The following SUN1 variants were observed in gnomAD, a reference collection of about 807,000 sequenced individuals.
SUN1 encodes the protein Sad1 and UNC84 domain containing 1.
A neutral mutation model predicts 103.2 loss-of-function variants in SUN1; 61 were observed. The observed-to-expected ratio is 0.59, with a 90% CI of 0.48 to 0.73. The LOEUF is 0.73. Among genes scored for constraint, SUN1 ranks in the 30% least tolerant of loss-of-function variants. The pLI, the probability that SUN1 is intolerant of heterozygous loss-of-function variation, is 0.00. For missense variants in SUN1, 1,052 were observed against 1,034.6 expected (o/e 1.02, Z -0.23); for synonymous variants, 490 against 425.7 (o/e 1.15, Z -1.86).
Position 832,556 on chromosome 7 carries a change from C to T in SUN1, c.32C>T (p.Pro11Leu). 1.2e-6 allele frequency: 2 copies of T among 1,613,392 alleles called. No individual in the cohort carries two copies. Among genetic ancestry groups the T allele is most frequent in the Non-Finnish European group, 1.7e-6 (2 of 1,179,656 alleles). MDFSRLHMYS[P>L]PQCVPENTGY... ...TTTTCTCGGCTTCACATGTACAGTC[C>T]TCCCCAGTGTGTGCCGGAGAACACG... Residue 11 changes from proline to leucine, a missense_variant, in exon 1 of 19, where the codon CCT becomes CTT. Around this residue, in one of 2 missense-constraint regions of SUN1, gnomAD observed 846 missense variants for 774.5 expected, o/e 1.09. Coordinates refer to ENST00000401592, the MANE Select transcript of SUN1 (RefSeq NM_001130965.3).
At chr7:819,763 C>T (rs552270045) in intron 1 of SUN1, among the ~76,000 whole-genome samples, 50 of 144,274 alleles carry the variant, frequency 3.5e-4, no homozygotes, top group African/African-American at 1.3e-3. Context: ...GGCTGGAGTG[C>T]AGTGGCGTGA....
chr7:857,993 TAGAA>T (rs1562757404), intron 13 of SUN1, 36 bp downstream of exon 13: 1 of 1,519,614 alleles, frequency 6.6e-7, no homozygotes, highest in Non-Finnish European at 8.9e-7. Flanking sequence ...TGTTTTATAA[TAGAA>T]AGTAAAAGAA....
chr7:831,229 G>A (rs181361953), upstream of SUN1, among the ~76,000 whole-genome samples: 68 of 152,078 alleles, frequency 4.5e-4, no homozygotes, highest in African/African-American at 1.5e-3. Context: ...TGGGTCGGAC[G>A]CTGGGCTGGG....
chr7:830,714 G>A (rs953657490), upstream of SUN1, among the ~76,000 whole-genome samples: 1 of 152,194 alleles, frequency 6.6e-6, no homozygotes, highest in Non-Finnish European at 1.5e-5. Context: ...CAACATCTGA[G>A]CAGGAGTGGA....
At chr7:841,019 T>C (rs1340978108) in intron 2 of SUN1, among the ~76,000 whole-genome samples, 1 of 150,618 alleles carries the variant, frequency 6.6e-6, no homozygotes, top group Non-Finnish European at 1.5e-5. Flanking sequence ...CCGCAACCTC[T>C]GCCTTCCAGG....
chr7:824,935 C>T (rs999655942), intron 1 of SUN1, among the ~76,000 whole-genome samples: 3 of 152,184 alleles, frequency 2.0e-5, no homozygotes, highest in Admixed American at 2.0e-4. Context: ...CCCCTGTGAA[C>T]GTGTCCACAC....
At chr7:819,539 CTTCG>C (rs1313376306) in intron 1 of SUN1, among the ~76,000 whole-genome samples, 2 of 152,090 alleles carry the variant, frequency 1.3e-5, no homozygotes, top group African/African-American at 2.4e-5. Context: ...TAGGTTCTGA[CTTCG>C]TTCTTTTGCA....
chr7:830,956 C>T (rs1419093605), upstream of SUN1: 4 of 985,400 alleles, frequency 4.1e-6, no homozygotes, highest in Non-Finnish European at 3.6e-6. Flanking sequence ...CCTCAGGAGC[C>T]CAGGCATGGT....
upstream of SUN1, chr7:815,761 C>A: frequency 5.4e-6 from 1 of 186,754 alleles, no homozygotes; most frequent in Non-Finnish European, 1.1e-5. Context: ...CTGCAGGAGA[C>A]CTCGCGTGCA....
Position 853,484 on chromosome 7 carries a change from C to G in SUN1, c.1129C>G (p.His377Asp), listed in dbSNP as rs1481087028. 6.2e-7 allele frequency: 1 copy of G among 1,613,938 alleles called. No individual in the cohort carries two copies. Among genetic ancestry groups the G allele is most frequent in the Non-Finnish European group, 8.5e-7 (1 of 1,180,060 alleles). The stretch of plus-strand genomic sequence containing the variant: ...GGTGGCCTCTCTGTCTGGACAGTGC[C>G]ACCACCATGGTGAGAATCTCCGAGA... ...QQVASLSGQC[H>D]HHGENLRELT... The change falls in exon 10 of 19, where the codon CAC (histidine) becomes GAC (aspartate). Residue 377 changes from histidine (H) to aspartate (D), a missense_variant. By Grantham distance (81) the His-to-Asp change is moderately conservative. Coordinates refer to ENST00000401592, the MANE Select transcript of SUN1 (RefSeq NM_001130965.3).
upstream of SUN1, chr7:816,197 G>GAT (rs1780370047): frequency 1.2e-5 from 2 of 170,662 alleles, no homozygotes; most frequent in African/African-American, 1.1e-4. Context: ...CCCTCCCCCA[G>GAT]GTGCAGACCC....
In SUN1 at chr7:852,007, C is replaced by G. The variant is rs565641706; in HGVS notation, c.815C>G (p.Thr272Ser). ...WLGIGWYQFV[T>S]LISWLNVFLL... is the part of the protein sequence containing the mutation. ...GGGATTGGATGGTACCAGTTTGTTA[C>G]TTTGATTTCTTGGCTGAATGTGTTT... Residue 272 changes from threonine (T) to serine (S), a missense_variant, in exon 7 of 19, where the codon ACT becomes AGT. Physicochemically the swap from Thr to Ser is moderately conservative, Grantham distance 58 (BLOSUM62 1). Transcript: ENST00000401592. 7.4e-6 allele frequency: 12 copies of G among 1,614,094 alleles called. No homozygotes were observed. In the East Asian group the frequency reaches 2.2e-4, roughly 30 times the overall value.
At chr7:853,714 T>G (rs1824351725) in intron 10 of SUN1, 96 bp downstream of exon 10, 2 of 1,371,040 alleles carry the variant, frequency 1.5e-6, no homozygotes, top group African/African-American at 1.4e-5. Flanking sequence ...ACAGGAGAGG[T>G]GCCGTTGTGA....
At chr7:829,704 G>A (rs533884642), upstream of SUN1, among the ~76,000 whole-genome samples, 584 of 151,978 alleles carry the variant, frequency 3.8e-3, 4 homozygotes, top group African/African-American at 0.012. Flanking sequence ...ACAGGCGCCC[G>A]CCACCAAGCC....
upstream of SUN1, chr7:832,159 G>A: frequency 1.1e-6 from 1 of 890,262 alleles, no homozygotes; most frequent in Non-Finnish European, 1.4e-6. Context: ...AGAACATTTT[G>A]ACACAGTGAG....
At chr7:841,125 G>T (rs1474208938) in intron 2 of SUN1, among the ~76,000 whole-genome samples, 1 of 151,762 alleles carries the variant, frequency 6.6e-6, no homozygotes, top group East Asian at 1.9e-4. Flanking sequence ...TAGAGATGGG[G>T]TTTCTCCATG....
intron 10 of SUN1, among the ~76,000 whole-genome samples, chr7:853,879 C>T (rs536197776): frequency 5.5e-4 from 83 of 152,264 alleles, no homozygotes; most frequent in African/African-American, 1.6e-3. Context: ...GCGGGAAGTC[C>T]AGCGGTCGTG....
intron 1 of SUN1, chr7:817,464 G>C: frequency 6.5e-7 from 1 of 1,536,126 alleles, no homozygotes; most frequent in Non-Finnish European, 8.7e-7. Context: ...GTCATGGGGA[G>C]GATTTCTCCC....
In SUN1 at chr7:860,400, C is replaced by T. The variant is rs371704224; in HGVS notation, c.1779+18C>T. On this transcript the variant is annotated intron_variant, in intron 14 of 18. Coordinates refer to ENST00000401592, the MANE Select transcript of SUN1 (RefSeq NM_001130965.3). ...CAGAGGCGGTGAGTCGGCGAGTCGG[C>T]GGCAAGAGATGCTTACAGTCCATTC... 1.7e-5 allele frequency: 28 copies of T among 1,608,494 alleles called. No individual in the cohort carries two copies. Among genetic ancestry groups the T allele is most frequent in the Admixed American group, 1.5e-4 (9 of 59,916 alleles).
Sources: allele counts gnomAD v4.1 joint callset (sites outside exome capture counted in the v4.1 genomes callset), GRCh38; gene constraint gnomAD v4.1.1; regional missense constraint gnomAD v4.1.1; transcripts MANE v1.5; gene names NCBI Gene and HGNC (gene_info 2026-07-23, HGNC 2026-07-21).